The following ANO10 variants were observed in gnomAD, a reference collection of about 807,000 sequenced individuals.
The protein encoded by ANO10 is anoctamin 10.
ANO10 carries 77 observed loss-of-function variants against 74.7 expected under a neutral mutation model. The ratio of observed to expected loss-of-function variants is 1.03; its 90% CI spans 0.86 to 1.25. The LOEUF (loss-of-function observed/expected upper bound fraction) is 1.25. ANO10 is among the 50% of genes most tolerant of loss of function. The pLI, the probability that ANO10 is intolerant of heterozygous loss-of-function variation, is 0.00. For synonymous variants in ANO10, 279 were observed against 284.9 expected (o/e 0.98, Z 0.21); for missense variants, 721 against 778.1 (o/e 0.93, Z 0.87).
At chr3:43,658,990 C>T (rs922177018) in intron 1 of ANO10, among the ~76,000 whole-genome samples, 8 of 151,988 alleles carry the variant, frequency 5.3e-5, no homozygotes, top group African/African-American at 1.9e-4. Context: ...ATATTTTGTG[C>T]ACTTTTCTGT....
chr3:43,621,802 G>C (rs956508809), intron 1 of ANO10, 107 bp downstream of exon 1: 1 of 152,854 alleles, frequency 6.5e-6, no homozygotes, highest in African/African-American at 2.4e-5. Context: ...GCAGGGCGGC[G>C]ACCAGGCGGA....
intron 11 of ANO10, among the ~76,000 whole-genome samples, chr3:43,513,234 C>T (rs2077577872): frequency 6.6e-6 from 1 of 152,274 alleles, no homozygotes; most frequent in South Asian, 2.1e-4. Context: ...ACCAGAAAAT[C>T]TAACTCAGGG....
At chr3:43,386,035 C>A (rs971850544) in intron 12 of ANO10, among the ~76,000 whole-genome samples, 3 of 152,188 alleles carry the variant, frequency 2.0e-5, no homozygotes, top group Non-Finnish European at 4.4e-5. Flanking sequence ...CCCTTCTCCC[C>A]CAGGCTCCTG....
intron 12 of ANO10, among the ~76,000 whole-genome samples, chr3:43,428,795 G>GAAAAAAAAAAAA (rs1245373022): frequency 1.5e-3 from 5 of 3,430 alleles, no homozygotes; most frequent in Non-Finnish European, 6.3e-3. Flanking sequence ...CTTTGTGAAT[G>GAAAAAAAAAAAA]CAAAAAAAAA....
intron 1 of ANO10, among the ~76,000 whole-genome samples, chr3:43,656,563 C>T (rs895477856): frequency 1.3e-5 from 2 of 152,238 alleles, no homozygotes; most frequent in Non-Finnish European, 2.9e-5. Flanking sequence ...AGGTAGCGAG[C>T]CCTGCCCTGC....
chr3:43,544,798 A>T (rs1030070532), intron 11 of ANO10, among the ~76,000 whole-genome samples: 183 of 13,246 alleles, frequency 0.014, no homozygotes, highest in Middle Eastern at 0.04. Flanking sequence ...GTCTGAAATA[A>T]AAAAAAAAAA....
At chr3:43,373,200 C>G (rs2091679991) in intron 12 of ANO10, among the ~76,000 whole-genome samples, 1 of 151,020 alleles carries the variant, frequency 6.6e-6, no homozygotes, top group Non-Finnish European at 1.5e-5. Context: ...CTAGCAAGCT[C>G]AAGCTGGGTG....
At chr3:43,566,531 G>A (rs1241573694) in intron 7 of ANO10, among the ~76,000 whole-genome samples, 1 of 152,102 alleles carries the variant, frequency 6.6e-6, no homozygotes, top group African/African-American at 2.4e-5. Context: ...CCTGACCCCT[G>A]ACCCCCGAGC....
At chr3:43,683,664 A>C (rs1340513066) in intron 1 of ANO10, among the ~76,000 whole-genome samples, 4 of 152,234 alleles carry the variant, frequency 2.6e-5, no homozygotes, top group Non-Finnish European at 5.9e-5. Flanking sequence ...GCATCATGCT[A>C]CCTGACCTCA....
intron 1 of ANO10, among the ~76,000 whole-genome samples, chr3:43,613,062 G>A (rs2082907705): frequency 6.6e-6 from 1 of 152,184 alleles, no homozygotes; most frequent in South Asian, 2.1e-4. Flanking sequence ...CAGCTACTCG[G>A]GAGGCTGAAG....
chr3:43,459,753 C>T (rs942301196), intron 11 of ANO10, among the ~76,000 whole-genome samples: 2 of 152,126 alleles, frequency 1.3e-5, no homozygotes, highest in Non-Finnish European at 2.9e-5. Context: ...TTAGTGAGGG[C>T]TCGCCCATGG....
intron 11 of ANO10, among the ~76,000 whole-genome samples, chr3:43,436,360 C>A (rs1299416097): frequency 6.6e-6 from 1 of 151,800 alleles, no homozygotes; most frequent in Non-Finnish European, 1.5e-5. Context: ...GTGGAAGGAG[C>A]CTGTCTATGA....
intron 4 of ANO10, among the ~76,000 whole-genome samples, chr3:43,586,104 G>A (rs1018040995): frequency 1.3e-5 from 2 of 152,204 alleles, no homozygotes; most frequent in Non-Finnish European, 2.9e-5. Context: ...TCCTGGAACT[G>A]GGGATGGTAA....
intron 11 of ANO10, among the ~76,000 whole-genome samples, chr3:43,519,171 T>C (rs1046138997): frequency 6.6e-6 from 1 of 152,154 alleles, no homozygotes; most frequent in African/African-American, 2.4e-5. Flanking sequence ...CGTTGAAATA[T>C]CAGGGGCTGG....
intron 1 of ANO10, among the ~76,000 whole-genome samples, chr3:43,606,698 A>T (rs1418485473): frequency 1.3e-5 from 2 of 152,092 alleles, no homozygotes; most frequent in African/African-American, 4.8e-5. Flanking sequence ...ATGGGTAGTC[A>T]AGGTGTAATT....
chr3:43,538,537 T>C (rs1234350282), intron 11 of ANO10, among the ~76,000 whole-genome samples: 1 of 152,148 alleles, frequency 6.6e-6, no homozygotes, highest in Non-Finnish European at 1.5e-5. Context: ...CTATGGCAGC[T>C]TTGTAATTCT....
intron 7 of ANO10, among the ~76,000 whole-genome samples, chr3:43,573,888 C>G (rs922359873): frequency 6.6e-6 from 1 of 152,126 alleles, no homozygotes; most frequent in Non-Finnish European, 1.5e-5. Flanking sequence ...GCAAAACATT[C>G]AAAGAAATCA....
chr3:43,387,664 A>T (rs1489276832), intron 12 of ANO10, among the ~76,000 whole-genome samples: 1 of 152,184 alleles, frequency 6.6e-6, no homozygotes, highest in African/African-American at 2.4e-5. Context: ...TGTGGTTCTC[A>T]GTGGAAGCCA....
chr3:43,463,113 G>C (rs192643606), intron 11 of ANO10, among the ~76,000 whole-genome samples: 33 of 152,344 alleles, frequency 2.2e-4, no homozygotes, highest in Middle Eastern at 3.4e-3. Flanking sequence ...CCCCCACACA[G>C]AGTCTCTACT....
Sources: allele counts gnomAD v4.1 joint callset (sites outside exome capture counted in the v4.1 genomes callset), GRCh38; gene constraint gnomAD v4.1.1; transcripts MANE v1.5; gene names NCBI Gene and HGNC (gene_info 2026-07-23, HGNC 2026-07-21).